Variants in SGMS1 observed in about 807,000 individuals in gnomAD.
SGMS1 encodes phosphatidylcholine:ceramide cholinephosphotransferase 1.
A neutral mutation model predicts 46.2 loss-of-function variants in SGMS1; 13 were observed. That is an observed-to-expected ratio of 0.28 (90% CI 0.18 to 0.45). The LOEUF (loss-of-function observed/expected upper bound fraction) is 0.45, where lower values mean the gene tolerates loss of function less well. Among genes scored for constraint, SGMS1 ranks in the 20% least tolerant of loss-of-function variants. The pLI, the probability that SGMS1 is intolerant of heterozygous loss-of-function variation, is 1.00. For synonymous variants in SGMS1, 203 were observed against 187.8 expected, an observed-to-expected ratio of 1.08 and a Z score of -0.66; for missense variants, 324 against 519.9, an observed-to-expected ratio of 0.62 and a Z score of 3.66.
Position 50,623,754 on chromosome 10 carries a change from C to T in SGMS1, c.-731G>A. 1 of 985,420 alleles carries T rather than the reference C, an allele frequency of 1.0e-6. No individual in the cohort carries two copies. Among genetic ancestry groups the T allele is most frequent in the Non-Finnish European group, 1.2e-6 (1 of 829,936 alleles). 61.0% of individuals were successfully genotyped at this position (985,420 alleles called of 1,614,324 possible). A position where few individuals can be genotyped will look rare whatever the true frequency, so the allele number is the denominator to read the frequency against. Reference sequence around the variant, plus strand: ...GCCGGAATTCCGCTCGCGGAGCCCCCGCCGCGGAATGAAATCCGGGGCAGG... The same window carrying T: ...GCCGGAATTCCGCTCGCGGAGCCCCTGCCGCGGAATGAAATCCGGGGCAGG... On this transcript the variant is annotated 5_prime_UTR_variant, in exon 1 of 11. Coordinates refer to ENST00000361781, the MANE Select transcript of SGMS1 (RefSeq NM_147156.4).
At chr10:50,518,129 A>ATGG (rs1364277225) in intron 3 of SGMS1, among the ~76,000 whole-genome samples, 2 of 152,218 alleles carry the variant, frequency 1.3e-5, no homozygotes, top group African/African-American at 4.8e-5. Flanking sequence ...GAAACAAATA[A>ATGG]TAAAACAGAT....
intron 3 of SGMS1, among the ~76,000 whole-genome samples, chr10:50,509,571 G>C (rs905652328): frequency 2.6e-5 from 4 of 152,220 alleles, no homozygotes; most frequent in Non-Finnish European, 2.9e-5. Context: ...AGAGGTGATA[G>C]AGTGAAATTT....
In SGMS1 at chr10:50,494,141, G is replaced by A. The variant is rs373559461; in HGVS notation, c.-498+25690C>T. Among the ~76,000 whole-genome samples the A allele has an allele frequency of 1.2e-4, 19 of 152,324 alleles. No individual in the cohort carries two copies. In the East Asian group the frequency reaches 2.7e-3, roughly 22 times the overall value. On this transcript the variant is annotated intron_variant, in intron 3 of 10. Transcript: ENST00000361781. Reference sequence around the variant, plus strand: ...AAGTCAAAAAATAACAAATGCTGGCGAGGTTCTAGAGAAAAAAGAATGTTA... The same window carrying A: ...AAGTCAAAAAATAACAAATGCTGGCAAGGTTCTAGAGAAAAAAGAATGTTA...
chr10:50,516,688 G>GA (rs1224411829), intron 3 of SGMS1, among the ~76,000 whole-genome samples: 13 of 152,134 alleles, frequency 8.5e-5, no homozygotes, highest in Non-Finnish European at 1.9e-4. Flanking sequence ...TGAAATAAAG[G>GA]AAAGTAATAA....
intron 4 of SGMS1, among the ~76,000 whole-genome samples, chr10:50,466,430 A>C (rs939815477): frequency 1.3e-5 from 2 of 152,198 alleles, no homozygotes; most frequent in African/African-American, 4.8e-5. Context: ...AAAGAATGAA[A>C]ACAGCAACTG....
At chr10:50,324,838 C>A (rs1470162240) in intron 8 of SGMS1, among the ~76,000 whole-genome samples, 1 of 152,170 alleles carries the variant, frequency 6.6e-6, no homozygotes, top group Non-Finnish European at 1.5e-5. Context: ...GACTATTAAT[C>A]TAATGTCTAC....
At chr10:50,377,386 C>T (rs909366235) in intron 6 of SGMS1, among the ~76,000 whole-genome samples, 3 of 152,174 alleles carry the variant, frequency 2.0e-5, no homozygotes, top group Non-Finnish European at 4.4e-5. Flanking sequence ...GTCCTCATAA[C>T]TCAATCACTT....
In SGMS1 at chr10:50,547,283, C is replaced by T. The variant is rs963998814; in HGVS notation, c.-588-27362G>A. On this transcript the variant is annotated intron_variant, in intron 2 of 10. Transcript: ENST00000361781. Reference sequence around the variant, plus strand: ...AAGGGATTATTTTAAAAATTCAGACCATATAGACCACTAGCTAGCATAAAA... The same window carrying T: ...AAGGGATTATTTTAAAAATTCAGACTATATAGACCACTAGCTAGCATAAAA... Among the ~76,000 whole-genome samples the T allele has an allele frequency of 4.6e-5, 7 of 151,844 alleles. 1 individual carries two copies. The highest frequency in any genetic ancestry group is 7.4e-5 in the Non-Finnish European group (5 of 67,918).
chr10:50,364,026 G>C (rs1848295112), intron 6 of SGMS1, among the ~76,000 whole-genome samples: 1 of 151,482 alleles, frequency 6.6e-6, no homozygotes. Context: ...AAAAAGGAGA[G>C]AGAATTTTAA....
intron 2 of SGMS1, among the ~76,000 whole-genome samples, chr10:50,588,790 C>T (rs1232833546): frequency 1.5e-5 from 2 of 129,936 alleles, no homozygotes; most frequent in Non-Finnish European, 3.1e-5. Flanking sequence ...AGTGCAGAGG[C>T]GTGATCTCGG....
chr10:50,435,925 T>C (rs1449410355), intron 5 of SGMS1, among the ~76,000 whole-genome samples: 1 of 152,230 alleles, frequency 6.6e-6, no homozygotes, highest in Admixed American at 6.5e-5. Flanking sequence ...AGTACTCGTC[T>C]TTTACCTTCA....
chr10:50,406,916 A>C (rs1849023493), intron 6 of SGMS1, among the ~76,000 whole-genome samples: 1 of 151,980 alleles, frequency 6.6e-6, no homozygotes, highest in Admixed American at 6.6e-5. Flanking sequence ...GTGTCTTGCT[A>C]TGTTGCCCAG....
intron 3 of SGMS1, among the ~76,000 whole-genome samples, 196 bp from the exon 4 acceptor site, chr10:50,467,128 C>A (rs1837337568): frequency 6.6e-6 from 1 of 151,808 alleles, no homozygotes; most frequent in Admixed American, 6.6e-5. Context: ...TAGACAACGC[C>A]AAGCAGAAAC....
At chr10:50,427,971 ATGAGAGAG>A (rs940132451) in intron 6 of SGMS1, among the ~76,000 whole-genome samples, 3 of 151,812 alleles carry the variant, frequency 2.0e-5, no homozygotes, top group Admixed American at 6.6e-5. Context: ...CTGCGTGTGA[ATGAGAGAG>A]AGAGAGAATG....
At chr10:50,324,871 A>C (rs1437231902) in intron 8 of SGMS1, among the ~76,000 whole-genome samples, 1 of 152,224 alleles carries the variant, frequency 6.6e-6, no homozygotes, top group African/African-American at 2.4e-5. Context: ...GAGGGGTGAA[A>C]GGAAGAAAGG....
chr10:50,427,865 A>C (rs1163136919), intron 6 of SGMS1, among the ~76,000 whole-genome samples: 1 of 152,156 alleles, frequency 6.6e-6, no homozygotes, highest in Non-Finnish European at 1.5e-5. Flanking sequence ...TGAATTGTTA[A>C]ATTCTGATGA....
At position 50,427,256 on chromosome 10, in the gene SGMS1, G is replaced by A. The variant is rs1849338648; in HGVS notation, c.-232+6220C>T. Among the ~76,000 whole-genome samples, 4 of 152,090 alleles carry A rather than the reference G, an allele frequency of 2.6e-5. No homozygotes were observed. The South Asian group carries it at 8.3e-4, about 32-fold the overall frequency. On this transcript the variant is annotated intron_variant, in intron 6 of 10. Transcript: ENST00000361781. ...TACTAAAAATACAAAAACATTAGCCGGGTGTGGTGGCGGGCGCCTGTAGTC... is the reference window on the plus strand; with the variant it reads ...TACTAAAAATACAAAAACATTAGCCAGGTGTGGTGGCGGGCGCCTGTAGTC...
chr10:50,512,247 C>T (rs7071603), intron 3 of SGMS1, among the ~76,000 whole-genome samples: 78,834 of 151,600 alleles, frequency 0.52, 20,792 homozygotes, highest in Admixed American at 0.64. Flanking sequence ...GAGTAGGAAA[C>T]AAGACTTCTC....
intron 5 of SGMS1, among the ~76,000 whole-genome samples, chr10:50,434,475 T>C (rs1328043140): frequency 6.6e-6 from 1 of 152,150 alleles, no homozygotes; most frequent in African/African-American, 2.4e-5. Context: ...ATGCATGCAC[T>C]GAGGTACCAT....
Sources: gnomAD v4.1 joint callset for allele counts (sites outside exome capture counted in the v4.1 genomes callset) on GRCh38, gnomAD v4.1.1 for gene constraint, MANE v1.5 for transcripts, NCBI Gene and HGNC (gene_info 2026-07-23, HGNC 2026-07-21) for gene names.